PLCL1: variants seen among roughly 807,000 people sequenced by gnomAD.
PLCL1 encodes phospholipase C like 1 (inactive).
PLCL1 carries 41 observed loss-of-function variants against 84.4 expected under a neutral mutation model. That is an observed-to-expected ratio of 0.49 (90% CI 0.38 to 0.63). The LOEUF is 0.63. Ranked by LOEUF, PLCL1 falls within the 30% of genes least tolerant of loss-of-function variation. The pLI, the probability that PLCL1 is intolerant of heterozygous loss-of-function variation, is 0.00. For synonymous variants in PLCL1, 490 were observed against 488.3 expected (o/e 1.00, Z -0.05); for missense variants, 1,206 against 1,367.8 (o/e 0.88, Z 1.87).
intron 1 of PLCL1, among the ~76,000 whole-genome samples, chr2:197,881,353 G>A (rs1210166930): frequency 6.6e-6 from 1 of 152,088 alleles, no homozygotes; most frequent in Non-Finnish European, 1.5e-5. Flanking sequence ...TAGGGGGACA[G>A]CCCTCTTAGT....
At chr2:198,004,527 A>G (rs186396054) in intron 1 of PLCL1, among the ~76,000 whole-genome samples, 13 of 152,256 alleles carry the variant, frequency 8.5e-5, no homozygotes, top group Admixed American at 2.0e-4. Flanking sequence ...GTCCAAGTCA[A>G]GTTCGTGATG....
chr2:198,059,814 G>A (rs1692149980), intron 1 of PLCL1, among the ~76,000 whole-genome samples: 1 of 152,192 alleles, frequency 6.6e-6, no homozygotes, highest in African/African-American at 2.4e-5. Context: ...CAGGCAAACA[G>A]AGTAGGAAAG....
chr2:197,893,655 C>T (rs912857552), intron 1 of PLCL1, among the ~76,000 whole-genome samples: 5 of 152,040 alleles, frequency 3.3e-5, no homozygotes, highest in East Asian at 1.9e-4. Flanking sequence ...GTCTGGAGTC[C>T]GGTGTGTTTT....
rs527854471 is a variant in PLCL1 at position 198,113,766 on chromosome 2, C to A, written c.3105+9830C>A. ...CATGGTCTGGGGAGTTCTAAAATTT[C>A]TGCCTTGCTCATTTAATTACCACTC... On this transcript the variant is annotated intron_variant, in intron 5 of 5. Transcript: ENST00000428675. Among the ~76,000 whole-genome samples the A allele has an allele frequency of 6.6e-5, 10 of 152,030 alleles. No individual in the cohort carries two copies. In the South Asian group the frequency reaches 1.4e-3, roughly 22 times the overall value.
At position 197,819,304 on chromosome 2, in the gene PLCL1, G is replaced by T. The variant is rs73054845; in HGVS notation, c.240+13965G>T. Reference sequence around the variant, plus strand: ...TCCACCATTCTAGCTTGCCGTGGGGGCTGCAAAGTAGAGAAGACCTTGAAT... The same window carrying T: ...TCCACCATTCTAGCTTGCCGTGGGGTCTGCAAAGTAGAGAAGACCTTGAAT... On this transcript the variant is annotated intron_variant, in intron 1 of 5. Transcript: ENST00000428675. Among the ~76,000 whole-genome samples the T allele has an allele frequency of 3.6e-3, 550 of 152,222 alleles. 2 individuals carry two copies. The highest frequency in any genetic ancestry group is 0.013 in the African/African-American group (531 of 41,552).
chr2:197,830,724 A>G (rs1691040054), intron 1 of PLCL1, among the ~76,000 whole-genome samples: 1 of 152,194 alleles, frequency 6.6e-6, no homozygotes, highest in South Asian at 2.1e-4. Context: ...TAATCATCAG[A>G]TTCACCAAGG....
intron 1 of PLCL1, among the ~76,000 whole-genome samples, chr2:197,890,191 C>T (rs1366029493): frequency 6.6e-6 from 1 of 152,152 alleles, no homozygotes; most frequent in Non-Finnish European, 1.5e-5. Flanking sequence ...TATGCTGAAA[C>T]TAATTGGTAT....
Position 197,805,110 on chromosome 2 carries a change from G to A in PLCL1, c.11G>A (p.Gly4Asp). 7.5e-7 allele frequency: 1 copy of A among 1,335,176 alleles called. No homozygotes were observed. The highest frequency in any genetic ancestry group is 9.5e-7 in the Non-Finnish European group (1 of 1,047,872). 82.7% of individuals were successfully genotyped at this position (1,335,176 alleles called of 1,614,324 possible). Residue 4 changes from glycine (G) to aspartate (D), a missense_variant, in exon 1 of 6, where the codon GGC (glycine) becomes GAC (aspartate). Gly to Asp is a moderately conservative substitution (Grantham distance 94, BLOSUM62 -1). Coordinates refer to ENST00000428675, the MANE Select transcript of PLCL1 (RefSeq NM_006226.4). The surrounding 1 kb of genome is among the most constrained non-coding windows in gnomAD (Gnocchi z 4.0). Reference protein sequence around the residue: MAEGAAGREDPAPP... With the variant: MAEDAAGREDPAPP... ...TAAACGCTCCAGGCCATGGCCGAGGGCGCGGCCGGCAGGGAGGATCCGGCG... is the reference window on the plus strand; with the variant it reads ...TAAACGCTCCAGGCCATGGCCGAGGACGCGGCCGGCAGGGAGGATCCGGCG...
At chr2:198,104,104 C>T (rs181163155) in intron 5 of PLCL1, among the ~76,000 whole-genome samples, 168 bp downstream of exon 5, 117 of 151,816 alleles carry the variant, frequency 7.7e-4, no homozygotes, top group South Asian at 3.9e-3. Context: ...CTGTGTGTCG[C>T]GGGGGGCTGG....
At chr2:198,058,711 C>A (rs567139546) in intron 1 of PLCL1, among the ~76,000 whole-genome samples, 1 of 151,988 alleles carries the variant, frequency 6.6e-6, no homozygotes, top group South Asian at 2.1e-4. Flanking sequence ...TTTTACTTAT[C>A]CAAATATGTG....
At chr2:197,938,928 T>G (rs1689099571) in intron 1 of PLCL1, among the ~76,000 whole-genome samples, 1 of 152,164 alleles carries the variant, frequency 6.6e-6, no homozygotes, top group East Asian at 1.9e-4. Context: ...GAAAGATAAA[T>G]AGAAATAAGA....
Position 198,084,578 on chromosome 2 carries a change from T to C in PLCL1, c.1061T>C (p.Leu354Ser). Reference sequence around the variant, plus strand: ...ACCCATATCACCGAGGATATATGCTTAGACATCATAAGGAGATACGAACTT... The same window carrying C: ...ACCCATATCACCGAGGATATATGCTCAGACATCATAAGGAGATACGAACTT... Reference protein sequence around the residue: ...GVTHITEDICLDIIRRYELSE... With the variant: ...GVTHITEDICSDIIRRYELSE... The change falls in exon 2 of 6, where the codon TTA becomes TCA. Residue 354 changes from leucine to serine, a missense_variant. Leu to Ser is a moderately radical substitution (Grantham distance 145). Coordinates refer to ENST00000428675, the MANE Select transcript of PLCL1 (RefSeq NM_006226.4). 3 of 1,613,878 alleles carry C rather than the reference T, an allele frequency of 1.9e-6. No individual in the cohort carries two copies. Among genetic ancestry groups the C allele is most frequent in the Non-Finnish European group, 2.5e-6 (3 of 1,179,760 alleles).
rs369529842 is a variant in PLCL1 at position 198,075,933 on chromosome 2, G to A, written c.241-7825G>A. ...GGCTCAGTCAATCTTTGTGTAAATGGAAGTTGTATTTGAAATAATCCATTG... is the reference window on the plus strand; with the variant it reads ...GGCTCAGTCAATCTTTGTGTAAATGAAAGTTGTATTTGAAATAATCCATTG... On this transcript the variant is annotated intron_variant, in intron 1 of 5. Transcript: ENST00000428675. Among the ~76,000 whole-genome samples the A allele has an allele frequency of 6.9e-4, 105 of 152,306 alleles. 3 individuals are homozygous for A. In the South Asian group the frequency reaches 0.013, roughly 20 times the overall value.
intron 1 of PLCL1, among the ~76,000 whole-genome samples, chr2:198,061,039 T>C (rs1016480417): frequency 2.6e-5 from 4 of 152,150 alleles, no homozygotes; most frequent in Non-Finnish European, 5.9e-5. Flanking sequence ...CAAATCCCAA[T>C]TGGAAGTAAG....
intron 1 of PLCL1, among the ~76,000 whole-genome samples, chr2:197,913,733 G>C (rs1377385239): frequency 6.6e-6 from 1 of 152,140 alleles, no homozygotes; most frequent in Non-Finnish European, 1.5e-5. Context: ...AATACTCTAG[G>C]GGAAGAACTC....
intron 3 of PLCL1, among the ~76,000 whole-genome samples, chr2:198,094,308 G>T (rs545820481): frequency 2.0e-5 from 3 of 152,088 alleles, no homozygotes; most frequent in Non-Finnish European, 4.4e-5. Context: ...TGATCTGCCC[G>T]CCTTGGCCTC....
chr2:197,836,830 C>T (rs1398781011), intron 1 of PLCL1, among the ~76,000 whole-genome samples: 1 of 152,076 alleles, frequency 6.6e-6, no homozygotes, highest in African/African-American at 2.4e-5. Flanking sequence ...AAGGGATCCT[C>T]CTACAGGCAC....
intron 1 of PLCL1, among the ~76,000 whole-genome samples, chr2:197,979,000 G>A (rs546338178): frequency 6.6e-6 from 1 of 152,210 alleles, no homozygotes; most frequent in Non-Finnish European, 1.5e-5. Context: ...AGGACCTGCT[G>A]TACATCCACT....
chr2:197,989,009 A>G (rs1010188539), intron 1 of PLCL1, among the ~76,000 whole-genome samples: 2 of 152,202 alleles, frequency 1.3e-5, no homozygotes, highest in Non-Finnish European at 2.9e-5. Flanking sequence ...CAAGGGGATA[A>G]ATTATATCCT....
Sources: allele counts gnomAD v4.1 joint callset (sites outside exome capture counted in the v4.1 genomes callset), GRCh38; gene constraint gnomAD v4.1.1; non-coding constraint Gnocchi (gnomAD v3.1); transcripts MANE v1.5; gene names NCBI Gene and HGNC (gene_info 2026-07-23, HGNC 2026-07-21).